The following RANBP17 variants were observed in gnomAD, a reference collection of about 807,000 sequenced individuals.
RANBP17 encodes the protein ran-binding protein 17.
In RANBP17, 158 loss-of-function variants were observed where a neutral mutation model predicts 141.2. The ratio of observed to expected loss-of-function variants is 1.12; its 90% confidence interval spans 0.98 to 1.28. The LOEUF (loss-of-function observed/expected upper bound fraction) is 1.28, where lower values mean the gene tolerates loss of function less well. Ranked by LOEUF, RANBP17 falls within the 50% of genes most tolerant of loss-of-function variation. The pLI, the probability that RANBP17 is intolerant of heterozygous loss-of-function variation, is 0.00. For synonymous variants in RANBP17, 430 were observed against 450.0 expected (o/e 0.96, Z 0.56); for missense variants, 1,438 against 1,290.7 (o/e 1.11, Z -1.75).
chr5:170,940,536 G>T (rs1774242957), intron 12 of RANBP17, among the ~76,000 whole-genome samples: 1 of 152,070 alleles, frequency 6.6e-6, no homozygotes, highest in Admixed American at 6.5e-5. Context: ...CAGATCAGGG[G>T]TACTCAACCT....
At chr5:170,955,877 T>A (rs894393220) in intron 13 of RANBP17, among the ~76,000 whole-genome samples, 10 of 149,644 alleles carry the variant, frequency 6.7e-5, no homozygotes, top group Admixed American at 6.0e-4. Context: ...TTTGAAAATG[T>A]TTTCTCTGTA....
At chr5:171,199,600 A>C in intron 18 of RANBP17, 70 bp from the exon 19 acceptor site, 1 of 896,544 alleles carries the variant, frequency 1.1e-6, no homozygotes, top group South Asian at 1.7e-5. Flanking sequence ...TAAATGAAGC[A>C]CTCAATGCTG....
intron 12 of RANBP17, among the ~76,000 whole-genome samples, chr5:170,934,634 C>T (rs1561906483): frequency 6.6e-6 from 1 of 152,166 alleles, no homozygotes; most frequent in Non-Finnish European, 1.5e-5. Flanking sequence ...ATATTGGCCC[C>T]CACTCTCTTC....
intron 21 of RANBP17, 78 bp from the exon 22 acceptor site, chr5:171,221,680 T>G: frequency 1.2e-6 from 1 of 800,848 alleles, no homozygotes; most frequent in Non-Finnish European, 2.1e-6. Context: ...TTCTTATAAA[T>G]GAAAATCCTA....
intron 14 of RANBP17, among the ~76,000 whole-genome samples, chr5:171,141,532 G>C (rs1408005731): frequency 6.7e-6 from 1 of 149,644 alleles, no homozygotes; most frequent in Non-Finnish European, 1.5e-5. Context: ...GCGTGAACCT[G>C]GGAGGTGGAG....
chr5:170,897,014 C>T, intron 5 of RANBP17: 2 of 1,099,174 alleles, frequency 1.8e-6, no homozygotes, highest in Non-Finnish European at 1.4e-6. Context: ...AGGGAGCACG[C>T]CGCGGTCAGC....
chr5:171,255,112 C>T (rs1765804434), intron 24 of RANBP17, among the ~76,000 whole-genome samples: 1 of 152,142 alleles, frequency 6.6e-6, no homozygotes, highest in African/African-American at 2.4e-5. Context: ...AAGCCTTACC[C>T]TGGCTAGAGA....
chr5:170,912,427 A>G (rs185457843), intron 7 of RANBP17, among the ~76,000 whole-genome samples: 34 of 152,094 alleles, frequency 2.2e-4, no homozygotes, highest in African/African-American at 7.9e-4. Flanking sequence ...TGAATCTACA[A>G]TTATCTCAGA....
intron 22 of RANBP17, among the ~76,000 whole-genome samples, chr5:171,224,403 T>C (rs1045880212): frequency 6.6e-6 from 1 of 152,206 alleles, no homozygotes; most frequent in African/African-American, 2.4e-5. Flanking sequence ...GTTTATTTAC[T>C]GTTGCACTAG....
chr5:170,920,868 G>C (rs1422322791), intron 11 of RANBP17, among the ~76,000 whole-genome samples: 2 of 152,088 alleles, frequency 1.3e-5, no homozygotes, highest in Non-Finnish European at 2.9e-5. Flanking sequence ...TTTTTCATAT[G>C]TCTGTTGGCT....
chr5:171,072,362 A>C (rs1358364393), intron 14 of RANBP17, among the ~76,000 whole-genome samples: 2 of 152,124 alleles, frequency 1.3e-5, no homozygotes, highest in African/African-American at 4.8e-5. Flanking sequence ...TAAGATAGTA[A>C]ATTTGTATTG....
intron 18 of RANBP17, among the ~76,000 whole-genome samples, chr5:171,199,253 A>G (rs1762156719): frequency 6.6e-6 from 1 of 152,156 alleles, no homozygotes; most frequent in Admixed American, 6.5e-5. Context: ...ACTTAGAGCT[A>G]TCTGGGCACC....
At chr5:171,016,343 T>G (rs1780433726) in intron 14 of RANBP17, among the ~76,000 whole-genome samples, 1 of 152,132 alleles carries the variant, frequency 6.6e-6, no homozygotes, top group African/African-American at 2.4e-5. Flanking sequence ...AAAATTTCTA[T>G]AAGTGACAAA....
Position 170,889,240 on chromosome 5 carries a change from T to G in RANBP17, c.257-3147T>G, listed in dbSNP as rs964734481. On this transcript the variant is annotated intron_variant, in intron 3 of 27. Coordinates refer to ENST00000523189, the MANE Select transcript of RANBP17 (RefSeq NM_022897.5). ...ATTTAGGGTTGTTTCCATCAGAGGA[T>G]TTTTAGTTAAATTTTGAGGTGTGTA... Among the ~76,000 whole-genome samples the G allele has an allele frequency of 3.9e-5, 6 of 152,166 alleles. No homozygotes were observed. In the South Asian group the frequency reaches 8.3e-4, roughly 21 times the overall value.
chr5:171,251,736 C>T, intron 24 of RANBP17: 6 of 738,906 alleles, frequency 8.1e-6, no homozygotes, highest in Non-Finnish European at 1.2e-5. Context: ...GGCTGCGGTG[C>T]GAGCAGGTGG....
At chr5:170,941,282 A>G (rs1360969612) in intron 12 of RANBP17, among the ~76,000 whole-genome samples, 1 of 152,160 alleles carries the variant, frequency 6.6e-6, no homozygotes, top group Non-Finnish European at 1.5e-5. Context: ...AAATAAAGAT[A>G]CAGTAGAATT....
chr5:171,237,456 G>C (rs189179096), intron 22 of RANBP17, among the ~76,000 whole-genome samples: 2 of 152,052 alleles, frequency 1.3e-5, no homozygotes, highest in African/African-American at 4.8e-5. Flanking sequence ...ATTGCCTTTG[G>C]CCAGGTTAAT....
At chr5:170,982,372 GC>G (rs1777831631) in intron 14 of RANBP17, among the ~76,000 whole-genome samples, 1 of 152,102 alleles carries the variant, frequency 6.6e-6, no homozygotes, top group Non-Finnish European at 1.5e-5. Flanking sequence ...ACAATAGCTA[GC>G]CTCTTGAAGA....
intron 14 of RANBP17, among the ~76,000 whole-genome samples, chr5:171,004,824 C>T (rs1438624957): frequency 6.6e-6 from 1 of 152,144 alleles, no homozygotes; most frequent in Non-Finnish European, 1.5e-5. Flanking sequence ...CATTCTGAGG[C>T]CCAGTGGCCA....
Sources: gnomAD v4.1 joint callset for allele counts (sites outside exome capture counted in the v4.1 genomes callset) on GRCh38, gnomAD v4.1.1 for gene constraint, MANE v1.5 for transcripts, NCBI Gene and HGNC (gene_info 2026-07-23, HGNC 2026-07-21) for gene names.